The following CYGB variants were observed in gnomAD, a reference collection of about 807,000 sequenced individuals.
CYGB encodes cytoglobin, also known as histoglobin.
In CYGB, 13 loss-of-function variants were observed where a neutral mutation model predicts 20.7. The ratio of observed to expected loss-of-function variants is 0.63; its 90% confidence interval spans 0.41 to 1.00. CYGB has a LOEUF of 1.00. CYGB is among the 50% of genes least tolerant of loss of function. The probability of loss-of-function intolerance (pLI) is 0.00; values close to 1 mark genes in which losing one functional copy is unlikely to be tolerated. For synonymous variants in CYGB, 93 were observed against 107.4 expected (o/e 0.87, Z 0.83); for missense variants, 218 against 257.2 (o/e 0.85, Z 1.04).
intron 1 of CYGB, among the ~76,000 whole-genome samples, chr17:76,532,509 C>A (rs2074857490): frequency 6.6e-6 from 1 of 150,544 alleles, no homozygotes; most frequent in Non-Finnish European, 1.5e-5. Context: ...TGGGGCCCTG[C>A]AGTGTGAAAA....
At chr17:76,539,123 G>A (rs2074957288), upstream of CYGB, among the ~76,000 whole-genome samples, 1 of 152,020 alleles carries the variant, frequency 6.6e-6, no homozygotes, top group East Asian at 1.9e-4. Flanking sequence ...GGTCTTGGAG[G>A]GGCTGGAGGG....
At chr17:76,536,039 C>T (rs1427990378) in intron 1 of CYGB, among the ~76,000 whole-genome samples, 1 of 152,190 alleles carries the variant, frequency 6.6e-6, no homozygotes, top group East Asian at 1.9e-4. Context: ...CCACAATGTG[C>T]TTGTGTGGGT....
upstream of CYGB, chr17:76,538,336 T>G: frequency 3.1e-6 from 1 of 326,004 alleles, no homozygotes; most frequent in Non-Finnish European, 6.2e-6. Flanking sequence ...AGCACGGGGG[T>G]CGTCCCCCTG....
Position 76,537,638 on chromosome 17 carries a change from T to C in CYGB, c.-96A>G, listed in dbSNP as rs1198710969. The C allele has an allele frequency of 1.0e-6, 1 of 963,074 alleles. No homozygotes were observed. The highest frequency in any genetic ancestry group is 1.2e-6 in the Non-Finnish European group (1 of 814,874). The allele number at this position is 963,074 out of a possible 1,614,324, so 59.7% of individuals were successfully genotyped here. ...GCGCCGGGAGCCGGGGCCGGCTGCG[T>C]GCGCGGCGGGCGGGCGAGGGGTAGA... is the stretch of plus-strand genomic sequence containing the variant. On this transcript the variant is annotated 5_prime_UTR_variant, in exon 1 of 4. Transcript: ENST00000293230.
chr17:76,534,104 T>G (rs2074882403), intron 1 of CYGB, among the ~76,000 whole-genome samples: 1 of 149,482 alleles, frequency 6.7e-6, no homozygotes. Context: ...TTTCTTTTTC[T>G]TTCTTTCTTC....
chr17:76,533,847 T>C lies in CYGB; in HGVS notation c.144-2156A>G, dbSNP rs963580478. On this transcript the variant is annotated intron_variant, in intron 1 of 3. Transcript: ENST00000293230. The surrounding 1 kb of genome is among the most constrained non-coding windows in gnomAD (Gnocchi z 4.5). ...GAGTTTGAGACCAGCCTGGGCAACA[T>C]AGTGAGATCCTGTCTCCAGAAAAAA... is the stretch of plus-strand genomic sequence containing the variant. Among the ~76,000 whole-genome samples, 1 of 152,022 alleles carries C rather than the reference T, an allele frequency of 6.6e-6. No individual in the cohort carries two copies. The highest frequency in any genetic ancestry group is 1.5e-5 in the Non-Finnish European group (1 of 67,992).
At chr17:76,543,987 A>T (rs945877788) in intron 1 of CYGB, 1 of 460,912 alleles carries the variant, frequency 2.2e-6, no homozygotes, top group South Asian at 1.6e-5. Flanking sequence ...GGAAGGAAAA[A>T]GCCTGACACT....
chr17:76,531,742 C>A lies in CYGB; in HGVS notation c.144-51G>T. The A allele has an allele frequency of 6.8e-7, 1 of 1,478,702 alleles. No homozygotes were observed. The highest frequency in any genetic ancestry group is 9.2e-7 in the Non-Finnish European group (1 of 1,082,022). 91.6% of individuals were successfully genotyped at this position (1,478,702 alleles called of 1,614,324 possible). A position where few individuals can be genotyped will look rare whatever the true frequency, so the allele number is the denominator to read the frequency against. On this transcript the variant is annotated intron_variant, in intron 1 of 3. Transcript: ENST00000293230. This position sits in a 1 kb window ranked among gnomAD's most constrained non-coding sequence, Gnocchi z 7.4. ...CTGAAGCTGGAGGCTGCCTCGGGCCCACCCTGAAGCTTCCAGGATAGTGGG... is the reference window on the plus strand; with the variant it reads ...CTGAAGCTGGAGGCTGCCTCGGGCCAACCCTGAAGCTTCCAGGATAGTGGG...
At position 76,531,263 on chromosome 17, in the gene CYGB, T is replaced by C; in HGVS notation, c.376-121A>G. 1.6e-6 allele frequency: 2 copies of C among 1,270,280 alleles called. No homozygotes were observed. Among genetic ancestry groups the C allele is most frequent in the Non-Finnish European group, 2.2e-6 (2 of 919,044 alleles). 78.7% of individuals were successfully genotyped at this position (1,270,280 alleles called of 1,614,324 possible). A position where few individuals can be genotyped will look rare whatever the true frequency, so the allele number is the denominator to read the frequency against. Reference sequence around the variant, plus strand: ...TTCCTAACGCAACAGTCTGGCAGCTTTGGGAACCCCGTGCTCTCAGGACAA... The same window carrying C: ...TTCCTAACGCAACAGTCTGGCAGCTCTGGGAACCCCGTGCTCTCAGGACAA... On this transcript the variant is annotated intron_variant, in intron 2 of 3. Transcript: ENST00000293230. The surrounding 1 kb of genome is among the most constrained non-coding windows in gnomAD (Gnocchi z 7.4).
Position 76,531,603 on chromosome 17 carries a change from G to A in CYGB, c.232C>T (p.Leu78=), listed in dbSNP as rs1390917954. Residue 78 remains leucine (L), a synonymous_variant, in exon 2 of 4, where the codon CTG becomes TTG. Transcript: ENST00000293230. The surrounding 1 kb of genome is among the most constrained non-coding windows in gnomAD (Gnocchi z 7.4). ...ATGACTCGGCAGGCGTGCTTCCGCA[G>A]CTGGGGGCTCCGCTCCATCTCCAGG... ...DPLEMERSPQ[L]RKHACRVMGA... is the part of the protein sequence containing the mutation. 18 of 1,613,744 alleles carry A rather than the reference G, an allele frequency of 1.1e-5. No individual in the cohort carries two copies. The South Asian group carries it at 1.9e-4, about 17-fold the overall frequency.
At chr17:76,547,800 TCA>T (rs1367671649) in intron 1 of CYGB, among the ~76,000 whole-genome samples, 9 of 139,698 alleles carry the variant, frequency 6.4e-5, no homozygotes, top group Non-Finnish European at 9.3e-5. Context: ...ATACACACAT[TCA>T]CAGAGACACA....
At position 76,531,764 on chromosome 17, in the gene CYGB, T is replaced by G. The variant is rs752474897; in HGVS notation, c.144-73A>C. On this transcript the variant is annotated intron_variant, in intron 1 of 3. Coordinates refer to ENST00000293230, the MANE Select transcript of CYGB (RefSeq NM_134268.5). This position sits in a 1 kb window ranked among gnomAD's most constrained non-coding sequence, Gnocchi z 7.4. ...GCCCACCCTGAAGCTTCCAGGATAG[T>G]GGGGGCTGAAGAAGTGGACCGCAGT... 5.8e-5 allele frequency: 73 copies of G among 1,267,328 alleles called. 1 individual carries two copies. Among genetic ancestry groups the G allele is most frequent in the Middle Eastern group, 3.9e-4 (2 of 5,192 alleles). 78.5% of individuals were successfully genotyped at this position (1,267,328 alleles called of 1,614,324 possible).
rs1264997080 is a variant in CYGB, at chr17:76,534,122, CTT to C, written c.144-2433_144-2432del. Among the ~76,000 whole-genome samples, 103 of 147,388 alleles carry C rather than the reference CTT, an allele frequency of 7.0e-4. 2 individuals carry two copies. The highest frequency in any genetic ancestry group is 2.1e-4 in the Non-Finnish European group (14 of 66,588). On this transcript the variant is annotated intron_variant, in intron 1 of 3. Transcript: ENST00000293230. Reference sequence around the variant, plus strand: ...CTTTTTCTTTCTTTCTTCTTTCTTTCTTTCTTTCTCTCTCTCTTTCTCTTTCT... The same window carrying C: ...CTTTTTCTTTCTTTCTTCTTTCTTTCTCTTTCTCTCTCTCTTTCTCTTTCT...
intron 1 of CYGB, among the ~76,000 whole-genome samples, chr17:76,536,586 G>T (rs1000313371): frequency 6.6e-6 from 1 of 152,170 alleles, no homozygotes; most frequent in Non-Finnish European, 1.5e-5. Flanking sequence ...TATAAGGATG[G>T]TGTGTGTGCT....
upstream of CYGB, chr17:76,540,523 T>C: frequency 1.9e-6 from 3 of 1,612,898 alleles, no homozygotes; most frequent in Non-Finnish European, 2.5e-6. The surrounding 1 kb of genome is among the most constrained non-coding windows in gnomAD (Gnocchi z 5.0). Context: ...GCGACGTGGA[T>C]GGGGCAGCTA....
At chr17:76,540,255 G>GTC, upstream of CYGB, 1 of 1,095,562 alleles carries the variant, frequency 9.1e-7, no homozygotes. This position sits in a 1 kb window ranked among gnomAD's most constrained non-coding sequence, Gnocchi z 5.0. Context: ...GTTGGTCGGG[G>GTC]GGGGGGGGCA....
rs978716792 is a variant in CYGB at position 76,527,944 on chromosome 17, C to T, written c.*634G>A. ...GAAGGGGCTGGGCTTTGCCGCCAAG[C>T]CGGGTTGCCCCAGCCCTGCCCCTCC... On this transcript the variant is annotated 3_prime_UTR_variant, in exon 4 of 4. Transcript: ENST00000293230. 132 of 387,396 alleles carry T rather than the reference C, an allele frequency of 3.4e-4. 1 individual carries two copies. Among genetic ancestry groups the T allele is most frequent in the South Asian group, 2.4e-3 (127 of 53,948 alleles). The allele number at this position is 387,396 out of a possible 1,614,324, so 24.0% of individuals were successfully genotyped here. A position where few individuals can be genotyped will look rare whatever the true frequency, so the allele number is the denominator to read the frequency against.
chr17:76,542,691 G>C, upstream of CYGB: 1 of 1,128,662 alleles, frequency 8.9e-7, no homozygotes, highest in Non-Finnish European at 1.3e-6. Flanking sequence ...CAGGCAGGAA[G>C]CAACAGGCAA....
intron 1 of CYGB, among the ~76,000 whole-genome samples, chr17:76,535,164 C>A: frequency 6.6e-6 from 1 of 152,210 alleles, no homozygotes; most frequent in South Asian, 2.1e-4. Context: ...CCTCCTCCAC[C>A]CCCACCAATG....
Sources: allele counts gnomAD v4.1 joint callset (sites outside exome capture counted in the v4.1 genomes callset), GRCh38; gene constraint gnomAD v4.1.1; non-coding constraint Gnocchi (gnomAD v3.1); transcripts MANE v1.5; gene names NCBI Gene and HGNC (gene_info 2026-07-23, HGNC 2026-07-21).